Variants in FGF14 observed in about 807,000 individuals in gnomAD.
The protein encoded by FGF14 is fibroblast growth factor 14.
A neutral mutation model predicts 25.5 loss-of-function variants in FGF14; 5 were observed. The observed-to-expected ratio is 0.20, with a 90% confidence interval of 0.10 to 0.41. The LOEUF is 0.41. FGF14 is among the 10% of genes least tolerant of loss of function. The pLI is 1.00. For synonymous variants in FGF14, 138 were observed against 118.3 expected, an observed-to-expected ratio of 1.17 and a Z score of -1.08; for missense variants, 222 against 320.1, an observed-to-expected ratio of 0.69 and a Z score of 2.34.
chr13:101,829,468 T>C (rs1566950073), intron 3 of FGF14, among the ~76,000 whole-genome samples: 1 of 152,132 alleles, frequency 6.6e-6, no homozygotes, highest in Non-Finnish European at 1.5e-5. Flanking sequence ...TGAATTATAC[T>C]GCTTTTGTAC....
rs74108990 is a variant in FGF14 at position 102,132,159 on chromosome 13, C to T, written c.209-256863G>A. Among the ~76,000 whole-genome samples the T allele has an allele frequency of 4.2e-3, 639 of 152,068 alleles. 5 individuals carry two copies. The highest frequency in any genetic ancestry group is 0.014 in the African/African-American group (601 of 41,458). On this transcript the variant is annotated intron_variant, in intron 1 of 4. Coordinates refer to the FGF14 transcript ENST00000376131. The stretch of plus-strand genomic sequence containing the variant: ...CTCCTATGTGGGAATGGGGAGTTGG[C>T]GACCACCCCAGGGTCCATCAGGGGA...
intron 1 of FGF14, among the ~76,000 whole-genome samples, chr13:102,224,594 C>T (rs760330258): frequency 2.6e-5 from 4 of 152,060 alleles, no homozygotes; most frequent in Non-Finnish European, 4.4e-5. Flanking sequence ...TTAAAAAGAA[C>T]CAAGGATTGC....
At chr13:101,948,899 T>TC (rs1289041494) in intron 1 of FGF14, among the ~76,000 whole-genome samples, 2 of 152,188 alleles carry the variant, frequency 1.3e-5, no homozygotes, top group Admixed American at 6.5e-5. Flanking sequence ...AGTTTTTTTT[T>TC]CTGTCTTATT....
chr13:102,228,541 T>C (rs577254202), intron 1 of FGF14, among the ~76,000 whole-genome samples: 23 of 152,338 alleles, frequency 1.5e-4, no homozygotes, highest in Admixed American at 1.2e-3. Flanking sequence ...CATTCATCTA[T>C]CATATTCAAT....
At chr13:102,360,978 A>G (rs1440533138) in intron 1 of FGF14, among the ~76,000 whole-genome samples, 1 of 152,164 alleles carries the variant, frequency 6.6e-6, no homozygotes, top group Non-Finnish European at 1.5e-5. Flanking sequence ...TTTGAAGGTA[A>G]TTCTAAAATA....
At chr13:102,388,213 T>C (rs1467149738) in intron 1 of FGF14, among the ~76,000 whole-genome samples, 1 of 152,214 alleles carries the variant, frequency 6.6e-6, no homozygotes, top group Non-Finnish European at 1.5e-5. Context: ...CAGTGTATCT[T>C]GAAGAAAGTA....
chr13:102,172,316 T>C (rs562187744), intron 1 of FGF14, among the ~76,000 whole-genome samples: 1 of 152,200 alleles, frequency 6.6e-6, no homozygotes, highest in East Asian at 1.9e-4. Context: ...TCGACAATTT[T>C]ATTAGCATGC....
chr13:102,134,398 A>G (rs2046323052), intron 1 of FGF14, among the ~76,000 whole-genome samples: 1 of 152,198 alleles, frequency 6.6e-6, no homozygotes, highest in African/African-American at 2.4e-5. Context: ...TGAGATAATC[A>G]ATTGTCCTGA....
At chr13:102,097,092 A>G (rs2044438719) in intron 1 of FGF14, among the ~76,000 whole-genome samples, 1 of 151,578 alleles carries the variant, frequency 6.6e-6, no homozygotes, top group Non-Finnish European at 1.5e-5. Context: ...AAAAACCTAT[A>G]TTCTTGAAAA....
At chr13:102,028,795 G>T (rs1218402554) in intron 1 of FGF14, among the ~76,000 whole-genome samples, 1 of 151,948 alleles carries the variant, frequency 6.6e-6, no homozygotes, top group Non-Finnish European at 1.5e-5. Context: ...AGGAAAAACT[G>T]GGAACTATAA....
chr13:102,324,046 T>A (rs1209691597), intron 1 of FGF14, among the ~76,000 whole-genome samples: 1 of 151,374 alleles, frequency 6.6e-6, no homozygotes, highest in Admixed American at 6.6e-5. Flanking sequence ...CAGGCACACA[T>A]CTGGAGGCAT....
intron 1 of FGF14, among the ~76,000 whole-genome samples, chr13:102,082,358 C>T (rs910018803): frequency 6.6e-6 from 1 of 151,856 alleles, no homozygotes; most frequent in African/African-American, 2.4e-5. Flanking sequence ...GTATTCATTA[C>T]AGAAGAGAAA....
intron 1 of FGF14, among the ~76,000 whole-genome samples, chr13:101,905,812 G>A (rs767879929): frequency 4.6e-5 from 7 of 152,076 alleles, no homozygotes; most frequent in Non-Finnish European, 7.4e-5. Flanking sequence ...CTTTTATTAT[G>A]ATTAAGGATT....
intron 1 of FGF14, among the ~76,000 whole-genome samples, chr13:102,086,491 C>A (rs567643884): frequency 6.6e-6 from 1 of 152,228 alleles, no homozygotes; most frequent in South Asian, 2.1e-4. Flanking sequence ...GATCGAGCCA[C>A]TGCACTCCAT....
intron 1 of FGF14, among the ~76,000 whole-genome samples, chr13:102,252,345 C>T (rs2141075382): frequency 6.6e-6 from 1 of 152,280 alleles, no homozygotes; most frequent in South Asian, 2.1e-4. Flanking sequence ...TACAACTTTG[C>T]TAAGCTTCAA....
Position 101,931,724 on chromosome 13 carries a change from CT to C in FGF14, c.209-56429del, listed in dbSNP as rs771983468. On this transcript the variant is annotated intron_variant, in intron 1 of 4. Transcript: ENST00000376131. ...AGGACACTGATGCCCACGTGAAAGCCTCACATCAGAAATGCACACCACAGAG... is the reference window on the plus strand; with the variant it reads ...AGGACACTGATGCCCACGTGAAAGCCCACATCAGAAATGCACACCACAGAG... Among the ~76,000 whole-genome samples, 6 of 152,318 alleles carry C rather than the reference CT, an allele frequency of 3.9e-5. No individual in the cohort carries two copies. In the East Asian group the frequency reaches 9.7e-4, roughly 25 times the overall value.
chr13:101,952,914 A>C (rs563291443), intron 1 of FGF14, among the ~76,000 whole-genome samples: 101 of 152,266 alleles, frequency 6.6e-4, no homozygotes, highest in African/African-American at 2.3e-3. Flanking sequence ...GGCGCCTGTG[A>C]TCCTAGCTAC....
intron 1 of FGF14, among the ~76,000 whole-genome samples, chr13:101,883,126 A>C (rs1566371844): frequency 6.6e-6 from 1 of 152,164 alleles, no homozygotes; most frequent in Non-Finnish European, 1.5e-5. Flanking sequence ...TCAGTGTGAA[A>C]ATTTCATGAA....
chr13:101,913,512 C>A (rs1346317847), intron 1 of FGF14, among the ~76,000 whole-genome samples: 1 of 152,088 alleles, frequency 6.6e-6, no homozygotes, highest in East Asian at 1.9e-4. Flanking sequence ...TTTTAAAACC[C>A]TACATTTCAA....
Sources: allele counts gnomAD v4.1 joint callset (sites outside exome capture counted in the v4.1 genomes callset), GRCh38; gene constraint gnomAD v4.1.1; transcripts MANE v1.5; gene names NCBI Gene and HGNC (gene_info 2026-07-23, HGNC 2026-07-21).